The following PIGU variants were observed in gnomAD, a reference collection of about 807,000 sequenced individuals.
PIGU encodes GPI-anchor transamidase component PIGU.
A neutral mutation model predicts 49.9 loss-of-function variants in PIGU; 24 were observed. That is an observed-to-expected ratio of 0.48 (90% CI 0.35 to 0.68). The LOEUF (loss-of-function observed/expected upper bound fraction) is 0.68, where lower values mean the gene tolerates loss of function less well. PIGU is among the 30% of genes least tolerant of loss of function. The probability of loss-of-function intolerance (pLI) is 0.01; values close to 1 mark genes in which losing one functional copy is unlikely to be tolerated. For synonymous variants in PIGU, 220 were observed against 205.7 expected (o/e 1.07, Z -0.59); for missense variants, 490 against 532.6 (o/e 0.92, Z 0.79).
chr20:34,624,587 G>A (rs910118166), intron 6 of PIGU, among the ~76,000 whole-genome samples: 2 of 152,164 alleles, frequency 1.3e-5, no homozygotes, highest in African/African-American at 4.8e-5. Context: ...AAACACCAAT[G>A]GTGAAAAAGC....
Position 34,562,448 on chromosome 20 carries a change from C to A in PIGU, c.1195-1469G>T, listed in dbSNP as rs184246014. On this transcript the variant is annotated intron_variant, in intron 11 of 11. Transcript: ENST00000217446. ...GCTTCTCACTGACCTGAAGGTAACA[C>A]AACAGCAGCTAAGGAGAGATCAGAG... 193 of 1,288,774 alleles carry A rather than the reference C, an allele frequency of 1.5e-4. No homozygotes were observed. The African/African-American group carries it at 2.5e-3, about 17-fold the overall frequency. The allele number at this position is 1,288,774 out of a possible 1,614,324, so 79.8% of individuals were successfully genotyped here.
intron 7 of PIGU, among the ~76,000 whole-genome samples, chr20:34,603,302 G>A (rs1984499458): frequency 6.6e-6 from 1 of 152,080 alleles, no homozygotes; most frequent in South Asian, 2.1e-4. Flanking sequence ...ATAAGGGGTT[G>A]TAAAATGATG....
intron 2 of PIGU, among the ~76,000 whole-genome samples, chr20:34,654,718 T>G (rs531773861): frequency 8.4e-6 from 1 of 118,984 alleles, no homozygotes; most frequent in East Asian, 2.6e-4. Flanking sequence ...CTATAAAAAT[T>G]AAGGCCAGCC....
chr20:34,674,171 C>T (rs1268020656), intron 1 of PIGU, among the ~76,000 whole-genome samples: 1 of 151,924 alleles, frequency 6.6e-6, no homozygotes, highest in Non-Finnish European at 1.5e-5. Context: ...GACTAGCCAA[C>T]ATGGTGAAAC....
At position 34,581,612 on chromosome 20, in the gene PIGU, G is replaced by A. The variant is rs141098105; in HGVS notation, c.987C>T (p.Tyr329=). 1.6e-5 allele frequency: 26 copies of A among 1,613,904 alleles called. No individual in the cohort carries two copies. Among genetic ancestry groups the A allele is most frequent in the South Asian group, 6.6e-5 (6 of 91,066 alleles). ...QIAVIAIFKS[Y]PTVGDVALYM... ...AGAGCGCCACGTCCCCCACTGTCGG[G>A]TAGGACTTAAAGATGGCGATGACAG... Residue 329 remains tyrosine, a synonymous_variant, in exon 10 of 12, where the codon TAC becomes TAT. Transcript: ENST00000217446.
At chr20:34,670,532 T>A (rs569196916) in intron 1 of PIGU, among the ~76,000 whole-genome samples, 1 of 150,954 alleles carries the variant, frequency 6.6e-6, no homozygotes, top group East Asian at 2.0e-4. Context: ...AGAAGTGCTC[T>A]TCCTGACCCT....
intron 7 of PIGU, among the ~76,000 whole-genome samples, chr20:34,593,540 A>C (rs997291840): frequency 6.6e-6 from 1 of 152,212 alleles, no homozygotes; most frequent in African/African-American, 2.4e-5. Context: ...GACTAGTAGA[A>C]TAAAACAGAA....
At chr20:34,666,543 T>C (rs1011928216) in intron 1 of PIGU, among the ~76,000 whole-genome samples, 5 of 151,566 alleles carry the variant, frequency 3.3e-5, no homozygotes, top group Admixed American at 2.0e-4. Flanking sequence ...TATTTATTTA[T>C]TTTTAGAGAC....
chr20:34,586,238 CTG>C (rs1983695368), intron 8 of PIGU, among the ~76,000 whole-genome samples: 1 of 152,194 alleles, frequency 6.6e-6, no homozygotes, highest in Non-Finnish European at 1.5e-5. Context: ...GAAGTTGAAA[CTG>C]ATCTCAATAC....
At chr20:34,641,067 T>C (rs6088561) in intron 4 of PIGU, among the ~76,000 whole-genome samples, 59,631 of 151,760 alleles carry the variant, frequency 0.39, 12,095 homozygotes, top group Admixed American at 0.56. Context: ...CTAATTTTTA[T>C]ATTTTTAGTA....
At chr20:34,676,747 C>T (rs1311163573) in intron 1 of PIGU, among the ~76,000 whole-genome samples, 1 of 152,168 alleles carries the variant, frequency 6.6e-6, no homozygotes, top group Non-Finnish European at 1.5e-5. Context: ...AGGGCCCAAA[C>T]CTCACGACAC....
At chr20:34,654,481 C>CA (rs199991691) in intron 2 of PIGU, among the ~76,000 whole-genome samples, 1,565 of 48,814 alleles carry the variant, frequency 0.032, 216 homozygotes, top group South Asian at 0.083. Flanking sequence ...AACTCTGTCT[C>CA]AAAAAAAAAA....
intron 4 of PIGU, among the ~76,000 whole-genome samples, chr20:34,639,781 A>G (rs980656808): frequency 2.6e-5 from 4 of 152,224 alleles, no homozygotes; most frequent in Admixed American, 1.3e-4. Context: ...TTCTTCTCAC[A>G]GTTGGCAGAG....
intron 1 of PIGU, among the ~76,000 whole-genome samples, chr20:34,672,520 T>C (rs1987338259): frequency 6.6e-6 from 1 of 151,940 alleles, no homozygotes; most frequent in South Asian, 2.1e-4. Flanking sequence ...CCAAATCAGT[T>C]CAATGTGACT....
At chr20:34,622,537 A>C (rs531651864) in intron 6 of PIGU, among the ~76,000 whole-genome samples, 4 of 152,240 alleles carry the variant, frequency 2.6e-5, no homozygotes, top group East Asian at 1.9e-4. Context: ...AAAACAAAAA[A>C]AAAGTTACAA....
chr20:34,573,769 C>G (rs768605700), intron 11 of PIGU, among the ~76,000 whole-genome samples: 1 of 152,260 alleles, frequency 6.6e-6, no homozygotes, highest in African/African-American at 2.4e-5. Context: ...AGAGAGGCTG[C>G]GCATCCACCA....
chr20:34,562,687 T>A, intron 11 of PIGU: 1 of 735,068 alleles, frequency 1.4e-6, no homozygotes, highest in Non-Finnish European at 2.0e-6. Context: ...AGAAAGGTGG[T>A]CTGCCTGGGG....
At chr20:34,639,294 G>A (rs572115553) in intron 4 of PIGU, among the ~76,000 whole-genome samples, 181 of 152,198 alleles carry the variant, frequency 1.2e-3, no homozygotes, top group Non-Finnish European at 2.3e-3. Flanking sequence ...CCAGCTACTC[G>A]GGAGGCTGAG....
intron 11 of PIGU, among the ~76,000 whole-genome samples, chr20:34,565,729 ACACACAGGTG>A (rs1279732352): frequency 1.3e-5 from 2 of 151,396 alleles, no homozygotes; most frequent in Admixed American, 6.6e-5. Context: ...ACACACACAC[ACACACAGGTG>A]CACACACACG....
Sources: gnomAD v4.1 joint callset for allele counts (sites outside exome capture counted in the v4.1 genomes callset) on GRCh38, gnomAD v4.1.1 for gene constraint, MANE v1.5 for transcripts, NCBI Gene and HGNC (gene_info 2026-07-23, HGNC 2026-07-21) for gene names.